MYO3B: variants seen among roughly 807,000 people sequenced by gnomAD.
The protein encoded by MYO3B is myosin IIIB.
A neutral mutation model predicts 174.6 loss-of-function variants in MYO3B; 156 were observed. The observed-to-expected ratio is 0.89, with a 90% CI of 0.78 to 1.02. The LOEUF is 1.02. Among genes scored for constraint, MYO3B ranks in the 50% least tolerant of loss-of-function variants. The pLI, the probability that MYO3B is intolerant of heterozygous loss-of-function variation, is 0.00. For synonymous variants in MYO3B, 563 were observed against 569.1 expected (o/e 0.99, Z 0.15); for missense variants, 1,632 against 1,639.4 (o/e 1.00, Z 0.08).
chr2:170,607,718 C>A (rs73978738), intron 32 of MYO3B, among the ~76,000 whole-genome samples: 3,787 of 152,250 alleles, frequency 0.025, 165 homozygotes, highest in African/African-American at 0.087. Flanking sequence ...TATATCCTAG[C>A]AGTAAATAGG....
intron 22 of MYO3B, among the ~76,000 whole-genome samples, chr2:170,438,214 C>T (rs1210742794): frequency 6.6e-6 from 1 of 152,134 alleles, no homozygotes; most frequent in East Asian, 1.9e-4. Flanking sequence ...TTCACTTAGC[C>T]TAACGTCCTC....
In MYO3B at chr2:170,251,880, G is replaced by A. The variant is rs780353282; in HGVS notation, c.749+15744G>A. Among the ~76,000 whole-genome samples, 4 of 152,320 alleles carry A rather than the reference G, an allele frequency of 2.6e-5. No homozygotes were observed. In the East Asian group the frequency reaches 5.8e-4, roughly 22 times the overall value. ...AGTACAACCATAAGCAGAGGAGGAA[G>A]CCCAGAGACTGGGAGTGAGTTTTCC... On this transcript the variant is annotated intron_variant, in intron 7 of 34. Coordinates refer to ENST00000408978, the MANE Select transcript of MYO3B (RefSeq NM_138995.5).
chr2:170,242,112 G>A, intron 7 of MYO3B, among the ~76,000 whole-genome samples: 1 of 152,116 alleles, frequency 6.6e-6, no homozygotes, highest in East Asian at 1.9e-4. Flanking sequence ...TTTGCCCTGG[G>A]GAGTATTGGT....
Position 170,314,662 on chromosome 2 carries a change from TAAA to T in MYO3B, c.750-20722_750-20720del, listed in dbSNP as rs1485553114. Among the ~76,000 whole-genome samples, 22 of 152,322 alleles carry T rather than the reference TAAA, an allele frequency of 1.4e-4. No homozygotes were observed. In the East Asian group the frequency reaches 3.7e-3, roughly 25 times the overall value. ...TGTATTGAATGAATGAATGATCAAA[TAAA>T]GAACTATGTATTTTAAACTAAATGT... is the stretch of plus-strand genomic sequence containing the variant. On this transcript the variant is annotated intron_variant, in intron 7 of 34. Transcript: ENST00000408978.
intron 9 of MYO3B, among the ~76,000 whole-genome samples, chr2:170,375,062 G>A (rs979215331): frequency 3.3e-5 from 5 of 152,090 alleles, no homozygotes; most frequent in Admixed American, 1.3e-4. Context: ...GTGAACAATG[G>A]GCTGAAAGTA....
chr2:170,495,813 T>C (rs919755658), intron 25 of MYO3B, among the ~76,000 whole-genome samples: 1 of 152,228 alleles, frequency 6.6e-6, no homozygotes, highest in African/African-American at 2.4e-5. Context: ...GAAATCCTGA[T>C]TTTACCATTG....
At chr2:170,369,853 G>A (rs2094227204) in intron 9 of MYO3B, among the ~76,000 whole-genome samples, 1 of 152,184 alleles carries the variant, frequency 6.6e-6, no homozygotes, top group Non-Finnish European at 1.5e-5. Flanking sequence ...TTTCTCTAAT[G>A]TGCTCTGAGA....
intron 32 of MYO3B, among the ~76,000 whole-genome samples, chr2:170,624,344 G>A (rs541380666): frequency 2.0e-5 from 3 of 152,276 alleles, no homozygotes; most frequent in East Asian, 1.9e-4. Context: ...AATTGTGAAT[G>A]GGAGTTCACT....
chr2:170,632,497 A>G (rs531820267), intron 32 of MYO3B, among the ~76,000 whole-genome samples: 1 of 152,306 alleles, frequency 6.6e-6, no homozygotes, highest in Admixed American at 6.5e-5. Flanking sequence ...AGGGAAACTT[A>G]CTTATAGCAC....
intron 32 of MYO3B, among the ~76,000 whole-genome samples, chr2:170,617,675 T>G (rs928667009): frequency 6.6e-6 from 1 of 152,112 alleles, no homozygotes; most frequent in Non-Finnish European, 1.5e-5. Flanking sequence ...CCCTTTCCAC[T>G]TAAGAGGAAA....
At chr2:170,367,107 C>T (rs2094204629) in intron 8 of MYO3B, among the ~76,000 whole-genome samples, 1 of 152,232 alleles carries the variant, frequency 6.6e-6, no homozygotes, top group Non-Finnish European at 1.5e-5. Context: ...TCAGTCTCTG[C>T]CCCTGTGTTT....
intron 25 of MYO3B, among the ~76,000 whole-genome samples, chr2:170,469,051 G>T (rs191278577): frequency 2.1e-3 from 318 of 152,210 alleles, no homozygotes; most frequent in Non-Finnish European, 3.4e-3. Flanking sequence ...CAGGAGAATC[G>T]CTTGAACCCA....
chr2:170,326,370 A>C (rs1006151022), intron 7 of MYO3B, among the ~76,000 whole-genome samples: 1 of 152,244 alleles, frequency 6.6e-6, no homozygotes, highest in African/African-American at 2.4e-5. Flanking sequence ...GAAAAAGAAC[A>C]GGGTTGTGGT....
chr2:170,537,901 C>T (rs777001056), intron 30 of MYO3B, among the ~76,000 whole-genome samples: 5 of 152,178 alleles, frequency 3.3e-5, no homozygotes, highest in African/African-American at 4.8e-5. Context: ...TAACAAAAAT[C>T]AACCAACATT....
chr2:170,653,775 T>C lies in MYO3B; in HGVS notation c.*654T>C, dbSNP rs1357179150. On this transcript the variant is annotated 3_prime_UTR_variant, in exon 35 of 35. Coordinates refer to ENST00000408978, the MANE Select transcript of MYO3B (RefSeq NM_138995.5). ...TTATGATGCTGAGAAAGCCTCTGTC[T>C]CTTTATTTCACCTTGCCAAGACACC... 1 of 152,260 alleles carries C rather than the reference T, an allele frequency of 6.6e-6. No individual in the cohort carries two copies. The highest frequency in any genetic ancestry group is 6.5e-5 in the Admixed American group (1 of 15,278). The allele number at this position is 152,260 out of a possible 1,614,324, so 9.4% of individuals were successfully genotyped here.
chr2:170,341,744 A>C (rs2093978080), intron 8 of MYO3B, among the ~76,000 whole-genome samples: 1 of 152,168 alleles, frequency 6.6e-6, no homozygotes, highest in South Asian at 2.1e-4. Flanking sequence ...TCTTATTTTG[A>C]AATATTGGGA....
At chr2:170,228,098 G>T (rs4667627) in intron 6 of MYO3B, among the ~76,000 whole-genome samples, 1 of 152,012 alleles carries the variant, frequency 6.6e-6, no homozygotes, top group Non-Finnish European at 1.5e-5. Context: ...TAATGCTTGC[G>T]TGCTGTGCCT....
chr2:170,465,728 G>A (rs1866363), intron 24 of MYO3B, among the ~76,000 whole-genome samples: 150,428 of 152,320 alleles, frequency 0.99, 74,316 homozygotes, highest in East Asian at 1. Context: ...CCGTTCACGA[G>A]TGCTAAACCT....
In MYO3B at chr2:170,402,782, A is replaced by G. The variant is rs887889517; in HGVS notation, c.2130-66A>G. On this transcript the variant is annotated intron_variant, in intron 18 of 34. Coordinates refer to ENST00000408978, the MANE Select transcript of MYO3B (RefSeq NM_138995.5). Reference sequence around the variant, plus strand: ...TGAGCTGATAAGCACTTGGGCACATATATTCTCATCCTCTTTAGGTGGGTG... The same window carrying G: ...TGAGCTGATAAGCACTTGGGCACATGTATTCTCATCCTCTTTAGGTGGGTG... 14 of 1,473,724 alleles carry G rather than the reference A, an allele frequency of 9.5e-6. No homozygotes were observed. The African/African-American group carries it at 1.8e-4, about 19-fold the overall frequency. 91.3% of individuals were successfully genotyped at this position (1,473,724 alleles called of 1,614,324 possible). A position where few individuals can be genotyped will look rare whatever the true frequency, so the allele number is the denominator to read the frequency against.
Sources: gnomAD v4.1 joint callset for allele counts (sites outside exome capture counted in the v4.1 genomes callset) on GRCh38, gnomAD v4.1.1 for gene constraint, MANE v1.5 for transcripts, NCBI Gene and HGNC (gene_info 2026-07-23, HGNC 2026-07-21) for gene names.